Variants in KRT8 observed in about 807,000 individuals in gnomAD.
KRT8 encodes the protein keratin, type II cytoskeletal 8.
In KRT8, 24 loss-of-function variants were observed where a neutral mutation model predicts 43.0. That is an observed-to-expected ratio of 0.56 (90% confidence interval 0.40 to 0.78). The LOEUF (loss-of-function observed/expected upper bound fraction) is 0.78, where lower values mean the gene tolerates loss of function less well. Ranked by LOEUF, KRT8 falls within the 30% of genes least tolerant of loss-of-function variation. KRT8 has a pLI of 0.00. For missense variants in KRT8, 492 were observed against 638.4 expected, an observed-to-expected ratio of 0.77 and a Z score of 2.47; for synonymous variants, 214 against 261.2, an observed-to-expected ratio of 0.82 and a Z score of 1.74.
chr12:52,937,689 A>G (rs939670013), intron 2 of KRT8, among the ~76,000 whole-genome samples: 1 of 145,204 alleles, frequency 6.9e-6, no homozygotes, highest in African/African-American at 2.5e-5. Flanking sequence ...CTCTGTCTCA[A>G]AAAAAAAAAA....
intron 2 of KRT8, among the ~76,000 whole-genome samples, chr12:52,914,462 AGGAGGT>A (rs1941697052): frequency 6.6e-6 from 1 of 152,064 alleles, no homozygotes. Context: ...GCTCGAAGCC[AGGAGGT>A]GGAGGTTGCA....
At chr12:52,910,660 C>T (rs1014910973), upstream of KRT8, among the ~76,000 whole-genome samples, 5 of 152,156 alleles carry the variant, frequency 3.3e-5, no homozygotes, top group Non-Finnish European at 7.3e-5. Flanking sequence ...GCTGACATTG[C>T]GATAGGGGAA....
chr12:52,933,267 A>G (rs993691380), intron 2 of KRT8, among the ~76,000 whole-genome samples: 1 of 152,130 alleles, frequency 6.6e-6, no homozygotes, highest in African/African-American at 2.4e-5. Flanking sequence ...GTTTCTATAT[A>G]CTGGCAATGA....
At chr12:52,941,027 G>C (rs1942259309) in intron 2 of KRT8, among the ~76,000 whole-genome samples, 1 of 151,934 alleles carries the variant, frequency 6.6e-6, no homozygotes, top group Non-Finnish European at 1.5e-5. Context: ...ACCTAAAAAG[G>C]GTGAATGCTA....
chr12:52,921,779 C>T (rs900990579), intron 2 of KRT8, among the ~76,000 whole-genome samples: 9 of 152,110 alleles, frequency 5.9e-5, no homozygotes, highest in African/African-American at 2.2e-4. Context: ...CTAGCAGTTT[C>T]CTTAAGGTGG....
At chr12:52,949,059 T>G (rs920275137) in intron 2 of KRT8, 1 of 1,025,860 alleles carries the variant, frequency 9.7e-7, no homozygotes, top group Non-Finnish European at 1.5e-6. Flanking sequence ...CCGAAGCGGC[T>G]CCGGGGCGGG....
At chr12:52,945,345 A>ACTGACTC in intron 2 of KRT8, among the ~76,000 whole-genome samples, 1 of 152,108 alleles carries the variant, frequency 6.6e-6, no homozygotes, top group South Asian at 2.1e-4. Context: ...ACTGTCTCCA[A>ACTGACTC]CACACTGGAG....
chr12:52,905,191 G>A, upstream of KRT8: 1 of 883,254 alleles, frequency 1.1e-6, no homozygotes, highest in Admixed American at 3.0e-5. Flanking sequence ...CTCCGGGCAG[G>A]ACTCAGGTGG....
At chr12:52,928,433 T>C (rs1942030711) in intron 2 of KRT8, among the ~76,000 whole-genome samples, 1 of 152,116 alleles carries the variant, frequency 6.6e-6, no homozygotes, top group Non-Finnish European at 1.5e-5. Context: ...TGGCACTTCC[T>C]CTGCCCAGGG....
At chr12:52,926,350 C>CCCCG in intron 2 of KRT8, 3 of 1,214,420 alleles carry the variant, frequency 2.5e-6, no homozygotes, top group Non-Finnish European at 3.5e-6. Context: ...CACCCCACCC[C>CCCCG]CAGGACTGTG....
chr12:52,926,332 G>GCCCAACCCC, intron 2 of KRT8: 1 of 600,276 alleles, frequency 1.7e-6, no homozygotes, highest in Non-Finnish European at 3.0e-6. Context: ...GGCACTAGCT[G>GCCCAACCCC]CCCTCCCCAC....
intron 2 of KRT8, among the ~76,000 whole-genome samples, chr12:52,945,752 G>T (rs2120745926): frequency 6.6e-6 from 1 of 152,172 alleles, no homozygotes; most frequent in East Asian, 1.9e-4. Flanking sequence ...CCTCTTTCCG[G>T]ATTCCCCCCT....
At chr12:52,904,020 C>G (rs991390401) in intron 1 of KRT8, among the ~76,000 whole-genome samples, 2 of 152,058 alleles carry the variant, frequency 1.3e-5, no homozygotes, top group Admixed American at 1.3e-4. Flanking sequence ...TCTGTGACCC[C>G]CGCACTCAGG....
At chr12:52,949,420 A>G in intron 2 of KRT8, 5 of 1,612,798 alleles carry the variant, frequency 3.1e-6, no homozygotes, top group East Asian at 2.2e-5. Flanking sequence ...CGAGAAGGAG[A>G]CCATGCAAAG....
rs576490881 is a variant in KRT8, at chr12:52,937,427, C to G, written c.-47+12029G>C. ...ATGGGGCAGGGTGCAGTGGCTCAAG[C>G]GTGTAATCCCAGCACTTTGGGAGGC... On this transcript the variant is annotated intron_variant, in intron 2 of 6. Transcript: ENST00000546826. Among the ~76,000 whole-genome samples the G allele has an allele frequency of 2.7e-5, 4 of 150,584 alleles. No homozygotes were observed. The East Asian group carries it at 7.8e-4, about 29-fold the overall frequency.
chr12:52,899,266 G>C (rs919015714), intron 5 of KRT8, among the ~76,000 whole-genome samples: 4 of 152,126 alleles, frequency 2.6e-5, no homozygotes, highest in African/African-American at 9.7e-5. Flanking sequence ...AGTGAGCCGA[G>C]ATCACGCCAC....
chr12:52,899,741 A>G (rs1406799377), intron 5 of KRT8, 34 bp downstream of exon 5: 1 of 1,591,650 alleles, frequency 6.3e-7, no homozygotes, highest in South Asian at 1.1e-5. Context: ...GGATGTGTCC[A>G]AGGAACCCCT....
In KRT8 at chr12:52,918,210, A is replaced by AGAAGAG. The variant is rs1941809327; in HGVS notation, c.-46-13184_-46-13183insCTCTTC. 2.2e-5 allele frequency among the ~76,000 whole-genome samples: 3 copies of AGAAGAG among 137,786 alleles called. 1 individual carries two copies. The highest frequency in any genetic ancestry group is 4.8e-4 in the South Asian group (2 of 4,180). 90.4% of individuals were successfully genotyped at this position (137,786 alleles called of 152,430 possible). On this transcript the variant is annotated intron_variant, in intron 2 of 6. Coordinates refer to the KRT8 transcript ENST00000546826. ...AAGAAGAAGAAGAAGAAGAACAAGA[A>AGAAGAG]GAAGAAGAAGAAGAAGAAGAAGAAG...
At chr12:52,905,556 CAG>C (rs1941495592), upstream of KRT8, among the ~76,000 whole-genome samples, 1 of 152,164 alleles carries the variant, frequency 6.6e-6, no homozygotes, top group Admixed American at 6.5e-5. Context: ...AGCTGGATGA[CAG>C]AACAGCTGGA....
Sources: gnomAD v4.1 joint callset for allele counts (sites outside exome capture counted in the v4.1 genomes callset) on GRCh38, gnomAD v4.1.1 for gene constraint, MANE v1.5 for transcripts, NCBI Gene and HGNC (gene_info 2026-07-23, HGNC 2026-07-21) for gene names.